ASTN2: variants seen among roughly 807,000 people sequenced by gnomAD.
The protein encoded by ASTN2 is astrotactin 2.
ASTN2 carries 54 observed loss-of-function variants against 139.8 expected under a neutral mutation model. The ratio of observed to expected loss-of-function variants is 0.39; its 90% confidence interval spans 0.31 to 0.48. The LOEUF (loss-of-function observed/expected upper bound fraction) is 0.48. ASTN2 is among the 20% of genes least tolerant of loss of function. The probability of loss-of-function intolerance (pLI) is 0.95; values close to 1 mark genes in which losing one functional copy is unlikely to be tolerated. For missense variants in ASTN2, 1,565 were observed against 1,725.1 expected, an observed-to-expected ratio of 0.91 and a Z score of 1.64; for synonymous variants, 756 against 719.5, an observed-to-expected ratio of 1.05 and a Z score of -0.81.
chr9:116,492,090 T>A (rs2119104196), intron 19 of ASTN2, among the ~76,000 whole-genome samples: 1 of 152,066 alleles, frequency 6.6e-6, no homozygotes, highest in African/African-American at 2.4e-5. Context: ...TCTCTCTTTT[T>A]TTTTTTTTTG....
chr9:116,474,818 A>T (rs886325183), intron 20 of ASTN2, among the ~76,000 whole-genome samples: 4 of 152,260 alleles, frequency 2.6e-5, no homozygotes, highest in Non-Finnish European at 5.9e-5. Context: ...GTGGATGGAC[A>T]GCAAAGCTGG....
At chr9:117,334,104 T>A (rs1828799386) in intron 1 of ASTN2, among the ~76,000 whole-genome samples, 1 of 152,134 alleles carries the variant, frequency 6.6e-6, no homozygotes. Flanking sequence ...GTTATTATAG[T>A]AGGAAGGCAG....
intron 17 of ASTN2, among the ~76,000 whole-genome samples, chr9:116,642,195 CA>C (rs1588130828): frequency 7.9e-6 from 1 of 126,384 alleles, no homozygotes; most frequent in East Asian, 2.6e-4. Context: ...CCATTTTAAA[CA>C]AACACTTCCC....
At chr9:116,521,482 T>C (rs189723129) in intron 19 of ASTN2, among the ~76,000 whole-genome samples, 4 of 152,246 alleles carry the variant, frequency 2.6e-5, no homozygotes, top group East Asian at 1.9e-4. Flanking sequence ...TCTCAACTTA[T>C]ACAAAAATCA....
chr9:116,597,299 A>ATT (rs757848093), intron 19 of ASTN2, among the ~76,000 whole-genome samples: 79 of 75,524 alleles, frequency 1.0e-3, no homozygotes, highest in Non-Finnish European at 1.3e-3. Flanking sequence ...CTTTTGATCT[A>ATT]TTTTTTTTTT....
intron 10 of ASTN2, among the ~76,000 whole-genome samples, chr9:116,909,300 A>C (rs1834250418): frequency 6.6e-6 from 1 of 152,182 alleles, no homozygotes; most frequent in Non-Finnish European, 1.5e-5. Context: ...GACTAGGAGA[A>C]TGAATGAGTG....
At chr9:116,737,275 G>C (rs542322163) in intron 13 of ASTN2, among the ~76,000 whole-genome samples, 36 of 152,294 alleles carry the variant, frequency 2.4e-4, no homozygotes, top group African/African-American at 8.2e-4. Flanking sequence ...GCTGTTTCGG[G>C]AGGCAAAACA....
At chr9:116,472,609 G>C (rs1313601499) in intron 20 of ASTN2, among the ~76,000 whole-genome samples, 1 of 152,054 alleles carries the variant, frequency 6.6e-6, no homozygotes, top group African/African-American at 2.4e-5. Flanking sequence ...GCTTGTGTTA[G>C]AATCATGGTT....
chr9:117,147,494 G>T (rs971925268), intron 3 of ASTN2, among the ~76,000 whole-genome samples: 2 of 150,128 alleles, frequency 1.3e-5, no homozygotes, highest in African/African-American at 2.5e-5. Flanking sequence ...CTTCCCCCAC[G>T]CAACCACCCA....
intron 11 of ASTN2, 99 bp from the exon 12 acceptor site, chr9:116,820,882 G>T: frequency 1.6e-6 from 2 of 1,243,048 alleles, no homozygotes. Flanking sequence ...GTCAGGGCCT[G>T]ACAGAAAGGT....
intron 4 of ASTN2, among the ~76,000 whole-genome samples, chr9:117,106,903 A>T (rs1230864223): frequency 6.6e-6 from 1 of 152,190 alleles, no homozygotes; most frequent in African/African-American, 2.4e-5. Context: ...TACATATGTC[A>T]TATGTGTGTC....
intron 10 of ASTN2, among the ~76,000 whole-genome samples, chr9:116,973,092 T>C (rs1474309116): frequency 6.6e-6 from 1 of 152,212 alleles, no homozygotes; most frequent in Non-Finnish European, 1.5e-5. Context: ...TTCTCTCAAA[T>C]GGTGATGATT....
At chr9:116,632,334 TA>T (rs35426791) in intron 17 of ASTN2, among the ~76,000 whole-genome samples, 13 of 146,938 alleles carry the variant, frequency 8.8e-5, no homozygotes, top group Non-Finnish European at 1.5e-4. Context: ...TCAATAATAA[TA>T]AAAAAAAAAG....
chr9:116,825,537 C>T (rs943303), intron 11 of ASTN2, among the ~76,000 whole-genome samples: 120,725 of 152,082 alleles, frequency 0.79, 48,109 homozygotes, highest in East Asian at 0.91. Flanking sequence ...TACACACATT[C>T]CAAACAGATT....
At chr9:117,409,315 T>C (rs1588021686) in intron 1 of ASTN2, among the ~76,000 whole-genome samples, 1 of 152,190 alleles carries the variant, frequency 6.6e-6, no homozygotes, top group Non-Finnish European at 1.5e-5. Flanking sequence ...TCTGCTTTGA[T>C]TCAGCAAAAG....
intron 1 of ASTN2, among the ~76,000 whole-genome samples, chr9:117,382,584 C>A (rs1343600539): frequency 6.6e-6 from 1 of 152,152 alleles, no homozygotes; most frequent in Non-Finnish European, 1.5e-5. Flanking sequence ...CTTTGCTCTA[C>A]ACTAGAATGC....
chr9:116,978,907 A>G (rs1251708563), intron 7 of ASTN2, among the ~76,000 whole-genome samples: 1 of 152,206 alleles, frequency 6.6e-6, no homozygotes, highest in African/African-American at 2.4e-5. Flanking sequence ...GGATTTTCTC[A>G]ACTTTATACA....
At chr9:116,467,571 G>T (rs7846884) in intron 20 of ASTN2, among the ~76,000 whole-genome samples, 1 of 152,074 alleles carries the variant, frequency 6.6e-6, no homozygotes, top group South Asian at 2.1e-4. Flanking sequence ...GGCCGAGACA[G>T]AATCTTACGA....
intron 19 of ASTN2, chr9:116,540,608 G>C (rs886152644): frequency 2.0e-5 from 3 of 152,296 alleles, no homozygotes; most frequent in African/African-American, 4.8e-5. Context: ...CTTCATGATC[G>C]TCTGTGTGCA....
Sources: gnomAD v4.1 joint callset for allele counts (sites outside exome capture counted in the v4.1 genomes callset) on GRCh38, gnomAD v4.1.1 for gene constraint, MANE v1.5 for transcripts, NCBI Gene and HGNC (gene_info 2026-07-23, HGNC 2026-07-21) for gene names.